FOXK2: variants seen among roughly 807,000 people sequenced by gnomAD.
FOXK2 encodes forkhead box protein K2.
In FOXK2, 24 loss-of-function variants were observed where a neutral mutation model predicts 53.3. The observed-to-expected ratio is 0.45, with a 90% CI of 0.33 to 0.63. FOXK2 has a LOEUF of 0.63. Ranked by LOEUF, FOXK2 falls within the 30% of genes least tolerant of loss-of-function variation. FOXK2 has a pLI of 0.03. For missense variants in FOXK2, 952 were observed against 910.5 expected (o/e 1.05, Z -0.59); for synonymous variants, 505 against 407.1 (o/e 1.24, Z -2.89).
chr17:82,578,420 A>G (rs1165011671), intron 4 of FOXK2: 4 of 150,286 alleles, frequency 2.7e-5, no homozygotes, highest in Non-Finnish European at 5.9e-5. Context: ...TTAAAGAATA[A>G]CAGCCCACGT....
chr17:82,522,429 C>T (rs796670828), intron 1 of FOXK2, among the ~76,000 whole-genome samples: 2 of 150,438 alleles, frequency 1.3e-5, no homozygotes, highest in African/African-American at 4.9e-5. Flanking sequence ...AGTGCAGTGG[C>T]GCAATCTCGG....
At chr17:82,601,019 C>A in intron 8 of FOXK2, 1 of 389,674 alleles carries the variant, frequency 2.6e-6, no homozygotes, top group Non-Finnish European at 4.7e-6. Context: ...AAGATGATGC[C>A]AGCTGTTAAT....
rs6502122 is a variant in FOXK2, at chr17:82,573,536, A to T, written c.909+1666A>T. Among the ~76,000 whole-genome samples the T allele has an allele frequency of 7.4e-3, 1,021 of 138,910 alleles. 20 individuals carry two copies. The highest frequency in any genetic ancestry group is 0.025 in the African/African-American group (917 of 37,336). 91.1% of individuals were successfully genotyped at this position (138,910 alleles called of 152,430 possible). On this transcript the variant is annotated intron_variant, in intron 4 of 8. Coordinates refer to ENST00000335255, the MANE Select transcript of FOXK2 (RefSeq NM_004514.4). ...TCAAACTATATACATACACACACAC[A>T]CTCTCTCTCTCTCTCTCTCTCTCTC...
At chr17:82,598,804 G>GTA (rs1325844165) in intron 8 of FOXK2, 1 of 152,208 alleles carries the variant, frequency 6.6e-6, no homozygotes, top group Non-Finnish European at 1.5e-5. Context: ...CTCATTCAGG[G>GTA]TATTGGTGCT....
intron 6 of FOXK2, chr17:82,585,333 C>G (rs1453743527): frequency 6.8e-6 from 1 of 147,762 alleles, no homozygotes; most frequent in Non-Finnish European, 1.5e-5. Flanking sequence ...TTTTTTTGTT[C>G]GTTTGTCTTG....
chr17:82,590,258 T>C (rs2045239606), intron 8 of FOXK2, among the ~76,000 whole-genome samples: 1 of 152,206 alleles, frequency 6.6e-6, no homozygotes, highest in African/African-American at 2.4e-5. Flanking sequence ...GGCTACAGCC[T>C]GGATGCTGAA....
In FOXK2 at chr17:82,519,963, C is replaced by T. The variant is rs888679273; in HGVS notation, c.75C>T (p.Ala25=). The change falls in exon 1 of 9, where the codon GCC becomes GCT. Residue 25 remains alanine (A), a synonymous_variant. Transcript: ENST00000335255. The part of the protein sequence containing the change: ...PAGGGAGGGG[A]GGGGSPPGGW... ...GCGGCGGGGCCGGGGGCGGCGGGGC[C>T]GGGGGCGGCGGGTCCCCGCCGGGCG... The T allele has an allele frequency of 9.1e-7, 1 of 1,104,426 alleles. No individual in the cohort carries two copies. Among genetic ancestry groups the T allele is most frequent in the Non-Finnish European group, 1.1e-6 (1 of 904,498 alleles). The allele number at this position is 1,104,426 out of a possible 1,614,324, so 68.4% of individuals were successfully genotyped here.
At chr17:82,546,113 G>GTTTTTTT (rs1282305641) in intron 1 of FOXK2, among the ~76,000 whole-genome samples, 3 of 97,968 alleles carry the variant, frequency 3.1e-5, no homozygotes, top group South Asian at 4.0e-4. Context: ...AAGCATGGTT[G>GTTTTTTT]GTTTTTTTTT....
intron 1 of FOXK2, among the ~76,000 whole-genome samples, chr17:82,526,830 CAAAAA>C (rs140941748): frequency 9.9e-5 from 12 of 121,430 alleles, no homozygotes; most frequent in African/African-American, 2.8e-4. Context: ...GACTCCGTCT[CAAAAA>C]AAAAAAAAAA....
At chr17:82,598,507 C>T (rs943614745) in intron 8 of FOXK2, among the ~76,000 whole-genome samples, 12 of 152,312 alleles carry the variant, frequency 7.9e-5, no homozygotes, top group African/African-American at 2.9e-4. Flanking sequence ...AGATGGAAGA[C>T]TTTAGCATGA....
At chr17:82,567,048 G>A (rs1011093234) in intron 2 of FOXK2, among the ~76,000 whole-genome samples, 9 of 152,164 alleles carry the variant, frequency 5.9e-5, no homozygotes, top group Non-Finnish European at 1.2e-4. Context: ...TATTCATGGC[G>A]GAGAGTCTAA....
At chr17:82,523,093 G>C (rs1364759437) in intron 1 of FOXK2, among the ~76,000 whole-genome samples, 2 of 152,018 alleles carry the variant, frequency 1.3e-5, no homozygotes, top group African/African-American at 4.8e-5. Context: ...ACGCCTGGCC[G>C]AATTCAGACC....
chr17:82,546,145 C>CTG (rs2044623399), intron 1 of FOXK2, among the ~76,000 whole-genome samples: 1 of 110,650 alleles, frequency 9.0e-6, no homozygotes, highest in South Asian at 3.2e-4. Flanking sequence ...GAGATGGAGT[C>CTG]TCGCTTGGTC....
Position 82,573,536 on chromosome 17 carries a change from ACTCT to A in FOXK2, c.909+1690_909+1693del, listed in dbSNP as rs373747209. On this transcript the variant is annotated intron_variant, in intron 4 of 8. Transcript: ENST00000335255. ...TCAAACTATATACATACACACACAC[ACTCT>A]CTCTCTCTCTCTCTCTCTCTCTCAC... Among the ~76,000 whole-genome samples, 875 of 138,878 alleles carry A rather than the reference ACTCT, an allele frequency of 6.3e-3. 4 individuals carry two copies. Among genetic ancestry groups the A allele is most frequent in the East Asian group, 0.025 (118 of 4,812 alleles). The allele number at this position is 138,878 out of a possible 152,430, so 91.1% of individuals were successfully genotyped here.
rs116264601 is a variant in FOXK2 at position 82,592,213 on chromosome 17, C to T, written c.1786+4941C>T. On this transcript the variant is annotated intron_variant, in intron 8 of 8. Coordinates refer to ENST00000335255, the MANE Select transcript of FOXK2 (RefSeq NM_004514.4). ...AGCCAGCATACCCAGCCAGTGTTGTCGTTTTGATTTGGGAGTTCGGGGCTG... is the reference window on the plus strand; with the variant it reads ...AGCCAGCATACCCAGCCAGTGTTGTTGTTTTGATTTGGGAGTTCGGGGCTG... Among the ~76,000 whole-genome samples, 1,012 of 152,272 alleles carry T rather than the reference C, an allele frequency of 6.6e-3. 16 individuals carry two copies. The highest frequency in any genetic ancestry group is 0.023 in the African/African-American group (974 of 41,568).
intron 8 of FOXK2, chr17:82,599,618 T>G (rs2143181525): frequency 6.6e-6 from 1 of 152,372 alleles, no homozygotes; most frequent in South Asian, 2.1e-4. Context: ...CGTTTGCTGC[T>G]TGAGTCTCTT....
At chr17:82,592,624 T>G (rs1048238578) in intron 8 of FOXK2, among the ~76,000 whole-genome samples, 1 of 152,254 alleles carries the variant, frequency 6.6e-6, no homozygotes, top group Admixed American at 6.5e-5. Context: ...CTTGATCGTT[T>G]GCTCCCTCCT....
chr17:82,541,154 C>G (rs1327337034), intron 1 of FOXK2, among the ~76,000 whole-genome samples: 3 of 152,160 alleles, frequency 2.0e-5, no homozygotes, highest in Admixed American at 6.6e-5. Flanking sequence ...GTGGGCCAAC[C>G]TCAGGGGCGT....
intron 2 of FOXK2, among the ~76,000 whole-genome samples, chr17:82,567,258 T>C (rs1035403062): frequency 6.6e-6 from 1 of 152,246 alleles, no homozygotes; most frequent in African/African-American, 2.4e-5. Context: ...TAAGATAATC[T>C]TACCTTGATA....
Sources: allele counts gnomAD v4.1 joint callset (sites outside exome capture counted in the v4.1 genomes callset), GRCh38; gene constraint gnomAD v4.1.1; transcripts MANE v1.5; gene names NCBI Gene and HGNC (gene_info 2026-07-23, HGNC 2026-07-21).